FER1L6: variants seen among roughly 807,000 people sequenced by gnomAD.
FER1L6 encodes the protein fer-1-like protein 6.
FER1L6 carries 177 observed loss-of-function variants against 219.2 expected under a neutral mutation model. The observed-to-expected ratio is 0.81, with a 90% CI of 0.71 to 0.91. FER1L6 has a LOEUF of 0.91. FER1L6 is among the 40% of genes least tolerant of loss of function. The probability of loss-of-function intolerance (pLI) is 0.00; values close to 1 mark genes in which losing one functional copy is unlikely to be tolerated. For missense variants in FER1L6, 2,153 were observed against 2,259.9 expected (o/e 0.95, Z 0.96); for synonymous variants, 768 against 824.3 (o/e 0.93, Z 1.17).
At chr8:124,105,249 C>T (rs1468766543) in intron 39 of FER1L6, among the ~76,000 whole-genome samples, 1 of 152,178 alleles carries the variant, frequency 6.6e-6, no homozygotes, top group Non-Finnish European at 1.5e-5. Context: ...GAGTTTAGTG[C>T]TTTGGATAAA....
rs56963841 is a variant in FER1L6, at chr8:123,903,556, T to G, written c.-8+51371T>G. 1.4e-4 allele frequency among the ~76,000 whole-genome samples: 22 copies of G among 152,320 alleles called. No homozygotes were observed. The East Asian group carries it at 4.2e-3, about 29-fold the overall frequency. On this transcript the variant is annotated intron_variant, in intron 1 of 40. Coordinates refer to ENST00000522917, the MANE Select transcript of FER1L6 (RefSeq NM_001039112.2). The stretch of plus-strand genomic sequence containing the variant: ...ATTTCCACACTGAAAATCAGTCAGA[T>G]TTTCTTCAGCTTCAAAGAGCATGTT...
chr8:123,980,831 T>G lies in FER1L6; in HGVS notation c.1410+20T>G. 1 of 1,585,242 alleles carries G rather than the reference T, an allele frequency of 6.3e-7. No individual in the cohort carries two copies. Among genetic ancestry groups the G allele is most frequent in the Non-Finnish European group, 8.6e-7 (1 of 1,161,148 alleles). ...CCGGAGGTAGGTCTAGGCACTGCAT[T>G]ATGGTACTTTACCTATGAGGTGAAC... On this transcript the variant is annotated intron_variant, in intron 11 of 40. Transcript: ENST00000522917.
intron 11 of FER1L6, among the ~76,000 whole-genome samples, chr8:123,981,375 G>A (rs1257896911): frequency 2.0e-5 from 3 of 152,300 alleles, no homozygotes; most frequent in African/African-American, 7.2e-5. Context: ...GAGACTCTAA[G>A]AGGAATACAA....
rs1818251782 is a variant in FER1L6 at position 124,017,487 on chromosome 8, C to T, written c.1923-141C>T. ...TCTTGGAAAAGTTAATACATAGTTG[C>T]TTAATCCTAAATTAAAAATATTGGT... On this transcript the variant is annotated intron_variant, in intron 15 of 40. Transcript: ENST00000522917. 6 of 595,510 alleles carry T rather than the reference C, an allele frequency of 1.0e-5. No individual in the cohort carries two copies. The East Asian group carries it at 1.7e-4, about 17-fold the overall frequency. 36.9% of individuals were successfully genotyped at this position (595,510 alleles called of 1,614,324 possible).
chr8:123,906,052 G>A (rs2129750747), intron 1 of FER1L6, among the ~76,000 whole-genome samples: 1 of 152,302 alleles, frequency 6.6e-6, no homozygotes, highest in East Asian at 1.9e-4. Flanking sequence ...ATGCATTGCT[G>A]TCATCAGTGA....
At chr8:123,856,350 T>A (rs1326819912) in intron 1 of FER1L6, among the ~76,000 whole-genome samples, 3 of 55,340 alleles carry the variant, frequency 5.4e-5, no homozygotes, top group Non-Finnish European at 1.1e-4. Flanking sequence ...ATATATATAT[T>A]AGGGTCCAGG....
intron 18 of FER1L6, among the ~76,000 whole-genome samples, chr8:124,032,049 C>T (rs1203959682): frequency 6.6e-6 from 1 of 152,224 alleles, no homozygotes; most frequent in Non-Finnish European, 1.5e-5. Context: ...TTCGTTTTAA[C>T]CATGAGTTTA....
At chr8:123,924,027 G>A (rs1287501368) in intron 1 of FER1L6, among the ~76,000 whole-genome samples, 3 of 151,598 alleles carry the variant, frequency 2.0e-5, no homozygotes, top group African/African-American at 7.3e-5. Flanking sequence ...GGCCAAGGCA[G>A]GTGGATCACC....
intron 1 of FER1L6, among the ~76,000 whole-genome samples, chr8:123,928,800 C>T (rs1348638678): frequency 6.6e-6 from 1 of 152,198 alleles, no homozygotes; most frequent in African/African-American, 2.4e-5. Flanking sequence ...TATCTCCTTT[C>T]ACTGTTGAAA....
chr8:123,892,762 T>C (rs1324122783), intron 1 of FER1L6, among the ~76,000 whole-genome samples: 1 of 152,256 alleles, frequency 6.6e-6, no homozygotes, highest in Non-Finnish European at 1.5e-5. Context: ...AAACCTTTGA[T>C]ATTTGTCAGA....
intron 28 of FER1L6, among the ~76,000 whole-genome samples, chr8:124,069,060 C>G (rs933681186): frequency 2.6e-5 from 4 of 152,170 alleles, no homozygotes; most frequent in African/African-American, 9.6e-5. Context: ...CCTCAGCCTC[C>G]CGAGTAGCTG....
At chr8:123,904,955 G>T (rs1378852009) in intron 1 of FER1L6, among the ~76,000 whole-genome samples, 1 of 152,206 alleles carries the variant, frequency 6.6e-6, no homozygotes, top group East Asian at 1.9e-4. Context: ...CATGGAAATT[G>T]GCAAATGCTA....
At chr8:124,049,582 C>G in intron 21 of FER1L6, 25 bp from the exon 22 acceptor site, 1 of 1,612,826 alleles carries the variant, frequency 6.2e-7, no homozygotes, top group Non-Finnish European at 8.5e-7. Flanking sequence ...TCAGGAAATA[C>G]AAACTCATTT....
intron 10 of FER1L6, among the ~76,000 whole-genome samples, chr8:123,978,809 A>G (rs1816203505): frequency 6.6e-6 from 1 of 152,220 alleles, no homozygotes; most frequent in African/African-American, 2.4e-5. Context: ...GATACCATAG[A>G]GAGGCCTCAG....
intron 1 of FER1L6, among the ~76,000 whole-genome samples, chr8:123,871,669 A>C (rs1216764621): frequency 1.3e-5 from 2 of 152,220 alleles, no homozygotes; most frequent in African/African-American, 4.8e-5. Flanking sequence ...ATTTGTATAG[A>C]TACCTCAAGG....
chr8:124,008,048 A>G (rs1421718556), intron 13 of FER1L6, among the ~76,000 whole-genome samples: 1 of 152,182 alleles, frequency 6.6e-6, no homozygotes, highest in Non-Finnish European at 1.5e-5. Context: ...TCACCTGAGC[A>G]GTATACGCTG....
chr8:124,053,418 A>ACTT (rs1398398217), intron 22 of FER1L6, among the ~76,000 whole-genome samples: 1 of 152,202 alleles, frequency 6.6e-6, no homozygotes, highest in Non-Finnish European at 1.5e-5. Flanking sequence ...TTTCATTAGG[A>ACTT]CTTCTTCTCT....
chr8:124,091,632 C>T (rs761052199), intron 34 of FER1L6, 49 bp downstream of exon 34: 1 of 1,582,288 alleles, frequency 6.3e-7, no homozygotes, highest in Non-Finnish European at 8.6e-7. Context: ...TTTTGAAAAT[C>T]CTGATTCTAG....
Position 124,119,686 on chromosome 8 carries a change from T to G in FER1L6, c.5470T>G (p.Tyr1824Asp), listed in dbSNP as rs1823402994. 6.2e-7 allele frequency: 1 copy of G among 1,613,268 alleles called. No homozygotes were observed. Among genetic ancestry groups the G allele is most frequent in the African/African-American group, 1.3e-5 (1 of 74,902 alleles). ...CCTCATCTGGAAGAATTACAAAAAG[T>G]ACATCATCATTGCTTTCATTCTCAT... ...YYLIWKNYKKYIIIAFILIIL... is the reference protein window; with the variant it reads ...YYLIWKNYKKDIIIAFILIIL... The change falls in exon 41 of 41, where the codon TAC becomes GAC. Residue 1824 changes from tyrosine to aspartate, a missense_variant. Coordinates refer to ENST00000522917, the MANE Select transcript of FER1L6 (RefSeq NM_001039112.2).
Sources: gnomAD v4.1 joint callset for allele counts (sites outside exome capture counted in the v4.1 genomes callset) on GRCh38, gnomAD v4.1.1 for gene constraint, MANE v1.5 for transcripts, NCBI Gene and HGNC (gene_info 2026-07-23, HGNC 2026-07-21) for gene names.